Variants in RORB observed in about 807,000 individuals in gnomAD.
RORB encodes nuclear receptor ROR-beta.
A neutral mutation model predicts 59.1 loss-of-function variants in RORB; 6 were observed. That is an observed-to-expected ratio of 0.10 (90% CI 0.06 to 0.20). The LOEUF (loss-of-function observed/expected upper bound fraction) is 0.20, where lower values mean the gene tolerates loss of function less well. Among genes scored for constraint, RORB ranks in the 10% least tolerant of loss-of-function variants. The pLI, the probability that RORB is intolerant of heterozygous loss-of-function variation, is 1.00. For missense variants in RORB, 320 were observed against 560.5 expected, an observed-to-expected ratio of 0.57 and a Z score of 4.33; for synonymous variants, 215 against 204.5, an observed-to-expected ratio of 1.05 and a Z score of -0.44.
At chr9:74,557,138 G>A (rs888332670) in intron 1 of RORB, among the ~76,000 whole-genome samples, 32 of 152,208 alleles carry the variant, frequency 2.1e-4, no homozygotes, top group Admixed American at 7.8e-4. Context: ...CCCATTATCA[G>A]ATTGAATCAG....
At chr9:74,498,276 T>C (rs1358588288) in intron 1 of RORB, 1 of 458,012 alleles carries the variant, frequency 2.2e-6, no homozygotes, top group Non-Finnish European at 3.9e-6. Flanking sequence ...TTTTTGCTTG[T>C]CGCTCTCGGG....
rs563755044 is a variant in RORB at position 74,547,341 on chromosome 9, T to C, written c.7+49358T>C. Among the ~76,000 whole-genome samples the C allele has an allele frequency of 1.7e-3, 258 of 152,236 alleles. 3 individuals are homozygous for C. The highest frequency in any genetic ancestry group is 5.7e-3 in the African/African-American group (237 of 41,522). On this transcript the variant is annotated intron_variant, in intron 1 of 9. Transcript: ENST00000376896. The stretch of plus-strand genomic sequence containing the variant: ...GAAAGGAAGAAGGATGGGTAAAGCC[T>C]ACTAAGATTTAGAGCTAGAGAAGAG...
intron 1 of RORB, among the ~76,000 whole-genome samples, chr9:74,501,849 A>C (rs948969463): frequency 6.6e-6 from 1 of 152,170 alleles, no homozygotes; most frequent in African/African-American, 2.4e-5. Flanking sequence ...CAGGAGGAAA[A>C]TGTAGATGAA....
At chr9:74,536,846 GAGAGAGAGAGAA>G (rs1826329554) in intron 1 of RORB, among the ~76,000 whole-genome samples, 1 of 151,794 alleles carries the variant, frequency 6.6e-6, no homozygotes, top group Non-Finnish European at 1.5e-5. Flanking sequence ...TTAACTTGCA[GAGAGAGAGAGAA>G]AGAGAGAGAC....
chr9:74,602,826 C>T (rs1269557336), intron 1 of RORB, among the ~76,000 whole-genome samples: 2 of 152,008 alleles, frequency 1.3e-5, no homozygotes, highest in Non-Finnish European at 2.9e-5. Flanking sequence ...TGTACAGTGC[C>T]ATTTAAATAT....
At chr9:74,553,975 C>T (rs1171527990) in intron 1 of RORB, among the ~76,000 whole-genome samples, 3 of 152,138 alleles carry the variant, frequency 2.0e-5, no homozygotes, top group Non-Finnish European at 4.4e-5. Flanking sequence ...TGACCCACAG[C>T]GTCAGCATCA....
At chr9:74,684,020 G>T (rs534221543) in intron 9 of RORB, among the ~76,000 whole-genome samples, 22 of 152,232 alleles carry the variant, frequency 1.4e-4, no homozygotes, top group African/African-American at 5.1e-4. Context: ...CAAAGATTCC[G>T]CATTTTTCAT....
intron 3 of RORB, among the ~76,000 whole-genome samples, chr9:74,640,148 G>C (rs1823773818): frequency 6.6e-6 from 1 of 152,208 alleles, no homozygotes; most frequent in South Asian, 2.1e-4. Flanking sequence ...TCTTCACACA[G>C]TAAAAATTAC....
chr9:74,651,403 C>T (rs1823988415), intron 4 of RORB, among the ~76,000 whole-genome samples: 1 of 152,108 alleles, frequency 6.6e-6, no homozygotes, highest in Non-Finnish European at 1.5e-5. Context: ...GGTGTGGTGA[C>T]ACGTGCCTGT....
At chr9:74,521,986 G>A (rs995849599) in intron 1 of RORB, among the ~76,000 whole-genome samples, 4 of 151,682 alleles carry the variant, frequency 2.6e-5, no homozygotes, top group Non-Finnish European at 5.9e-5. Flanking sequence ...TCTGCAACAG[G>A]CCTTGGTTCT....
intron 9 of RORB, among the ~76,000 whole-genome samples, chr9:74,676,587 C>A (rs532087292): frequency 6.6e-6 from 1 of 152,354 alleles, no homozygotes; most frequent in South Asian, 2.1e-4. Context: ...TTCCAGGAAT[C>A]ATGGGCCACA....
intron 1 of RORB, among the ~76,000 whole-genome samples, chr9:74,590,337 A>G (rs1252607350): frequency 6.6e-6 from 1 of 152,198 alleles, no homozygotes; most frequent in Non-Finnish European, 1.5e-5. Context: ...TTTCAGATCA[A>G]TTATGAGTCT....
chr9:74,592,713 GT>G (rs2118293629), intron 1 of RORB, among the ~76,000 whole-genome samples: 1 of 152,208 alleles, frequency 6.6e-6, no homozygotes, highest in African/African-American at 2.4e-5. Context: ...TTGGGCCATT[GT>G]AAACAGTCAT....
intron 1 of RORB, among the ~76,000 whole-genome samples, chr9:74,607,120 T>C (rs528820848): frequency 1.3e-5 from 2 of 152,326 alleles, no homozygotes; most frequent in African/African-American, 2.4e-5. Flanking sequence ...CGATGTTGCA[T>C]ATTCAGCAAC....
intron 9 of RORB, among the ~76,000 whole-genome samples, chr9:74,684,163 C>T (rs17692644): frequency 0.033 from 4,990 of 152,212 alleles, 102 homozygotes; most frequent in Non-Finnish European, 0.052. Flanking sequence ...TTTTAAATTG[C>T]TTGTAGTATG....
At chr9:74,528,160 C>G (rs1181979923) in intron 1 of RORB, among the ~76,000 whole-genome samples, 1 of 151,856 alleles carries the variant, frequency 6.6e-6, no homozygotes, top group Non-Finnish European at 1.5e-5. Flanking sequence ...ATCAGAGAGA[C>G]CTTGAAGGAA....
chr9:74,593,966 C>T (rs13290652), intron 1 of RORB, among the ~76,000 whole-genome samples: 63,437 of 151,932 alleles, frequency 0.42, 14,547 homozygotes, highest in East Asian at 0.77. Context: ...ATTCAGAATA[C>T]TATAATCAGA....
chr9:74,673,541 A>G (rs2118551516), intron 9 of RORB, among the ~76,000 whole-genome samples: 1 of 152,250 alleles, frequency 6.6e-6, no homozygotes, highest in East Asian at 1.9e-4. Context: ...TTACTCCCCT[A>G]GGAGGGTAAA....
intron 1 of RORB, among the ~76,000 whole-genome samples, chr9:74,513,438 C>T (rs1236775929): frequency 6.6e-6 from 1 of 151,780 alleles, no homozygotes; most frequent in African/African-American, 2.4e-5. Flanking sequence ...ACTTTTGCAC[C>T]AACCTAATAA....
Sources: allele counts gnomAD v4.1 joint callset (sites outside exome capture counted in the v4.1 genomes callset), GRCh38; gene constraint gnomAD v4.1.1; transcripts MANE v1.5; gene names NCBI Gene and HGNC (gene_info 2026-07-23, HGNC 2026-07-21).